The following PIK3R6 variants were observed in gnomAD, a reference collection of about 807,000 sequenced individuals.
PIK3R6 encodes phosphoinositide-3-kinase regulatory subunit 6, also known as phosphoinositide 3-kinase regulatory subunit 6.
Under a neutral mutation model 84.9 loss-of-function variants are expected in PIK3R6, and 91 were observed. The observed-to-expected ratio is 1.07, with a 90% CI of 0.90 to 1.28. The LOEUF (loss-of-function observed/expected upper bound fraction) is 1.28, where lower values mean the gene tolerates loss of function less well. Among genes scored for constraint, PIK3R6 ranks in the 50% most tolerant of loss-of-function variants. PIK3R6 has a pLI of 0.00. For missense variants in PIK3R6, 996 were observed against 985.1 expected, an observed-to-expected ratio of 1.01 and a Z score of -0.15; for synonymous variants, 416 against 411.4, an observed-to-expected ratio of 1.01 and a Z score of -0.13.
intron 2 of PIK3R6, among the ~76,000 whole-genome samples, chr17:8,847,041 G>A (rs951714111): frequency 1.3e-5 from 2 of 152,120 alleles, no homozygotes; most frequent in African/African-American, 4.8e-5. Flanking sequence ...CTGACATTTG[G>A]GGCCATTTGC....
rs199969342 is a variant in PIK3R6, at chr17:8,827,763, GGAGAGAGAGAGAGAGAGAGAGA to G, written c.1392+327_1392+348del. 6.8e-3 allele frequency among the ~76,000 whole-genome samples: 236 copies of G among 34,838 alleles called. 2 individuals carry two copies. Among genetic ancestry groups the G allele is most frequent in the Non-Finnish European group, 0.012 (205 of 17,192 alleles). The allele number at this position is 34,838 out of a possible 152,430, so 22.9% of individuals were successfully genotyped here. ...AAGGGGAGAGAGAGAGAGAGAGAGA[GGAGAGAGAGAGAGAGAGAGAGA>G]GAGAGAGAGAGAGAGAGAGAGAGAG... On this transcript the variant is annotated intron_variant, in intron 12 of 19. Coordinates refer to ENST00000619866, the MANE Select transcript of PIK3R6 (RefSeq NM_001010855.4).
intron 1 of PIK3R6, among the ~76,000 whole-genome samples, chr17:8,855,577 C>T (rs755008339): frequency 5.9e-5 from 9 of 152,098 alleles, no homozygotes; most frequent in East Asian, 5.8e-4. Flanking sequence ...GGAGAGCACA[C>T]GGAGGAACTG....
rs1389166767 is a variant in PIK3R6 at position 8,803,210 on chromosome 17, T to C, written c.*63A>G. 6.3e-7 allele frequency: 1 copy of C among 1,595,404 alleles called. No homozygotes were observed. The highest frequency in any genetic ancestry group is 2.2e-5 in the East Asian group (1 of 44,606). ...AGCCGGGCCTTGCTCTGGCTGTTGG[T>C]GTGAGTGTTTGGAGTTGGTGGGGTA... On this transcript the variant is annotated 3_prime_UTR_variant, in exon 20 of 20. Transcript: ENST00000619866. This position sits in a 1 kb window ranked among gnomAD's most constrained non-coding sequence, Gnocchi z 5.0.
intron 1 of PIK3R6, among the ~76,000 whole-genome samples, chr17:8,852,917 A>G (rs1018747141): frequency 2.0e-5 from 3 of 152,160 alleles, no homozygotes; most frequent in African/African-American, 7.2e-5. Context: ...AAATATTCAT[A>G]CTTTTTTGTC....
At chr17:8,858,873 G>A (rs1597443160) in intron 1 of PIK3R6, among the ~76,000 whole-genome samples, 1 of 152,292 alleles carries the variant, frequency 6.6e-6, no homozygotes, top group East Asian at 1.9e-4. Flanking sequence ...GTGAGGTTTT[G>A]CAATTCATCC....
chr17:8,824,678 C>A (rs1313287093), intron 13 of PIK3R6, among the ~76,000 whole-genome samples: 2 of 152,114 alleles, frequency 1.3e-5, no homozygotes, highest in South Asian at 2.1e-4. Flanking sequence ...AGTGTCCCAG[C>A]GGAGAAAAAT....
chr17:8,864,529 CTTTTTTTTTTTTT>C (rs35714531), intron 1 of PIK3R6, among the ~76,000 whole-genome samples: 14 of 65,542 alleles, frequency 2.1e-4, no homozygotes, highest in Admixed American at 1.5e-3. Context: ...CTTCACAGCT[CTTTTTTTTTTTTT>C]TTTTTTTTTT....
At chr17:8,815,964 C>T (rs1328511332) in intron 18 of PIK3R6, among the ~76,000 whole-genome samples, 2 of 152,160 alleles carry the variant, frequency 1.3e-5, no homozygotes, top group Non-Finnish European at 2.9e-5. Flanking sequence ...AAAATATGGT[C>T]CTGAGTTGAT....
Position 8,829,585 on chromosome 17 carries a change from GAC to G in PIK3R6, c.889+119_889+120del, listed in dbSNP as rs547199491. On this transcript the variant is annotated intron_variant, in intron 10 of 19. Transcript: ENST00000619866. ...GCACACATACACACACAGACACACTGACACACACTCATGCATACACACACTGA... is the reference window on the plus strand; with the variant it reads ...GCACACATACACACACAGACACACTGACACACTCATGCATACACACACTGA... 7.7e-3 allele frequency: 7,371 copies of G among 953,978 alleles called. 63 individuals are homozygous for G. Among genetic ancestry groups the G allele is most frequent in the African/African-American group, 0.038 (1,640 of 43,492 alleles). 59.1% of individuals were successfully genotyped at this position (953,978 alleles called of 1,614,324 possible). A position where few individuals can be genotyped will look rare whatever the true frequency, so the allele number is the denominator to read the frequency against.
chr17:8,810,880 G>A (rs1475269022), intron 18 of PIK3R6, among the ~76,000 whole-genome samples: 1 of 148,582 alleles, frequency 6.7e-6, no homozygotes, highest in Non-Finnish European at 1.5e-5. Flanking sequence ...CTAGGCACAC[G>A]TGCAAGCTGT....
intron 2 of PIK3R6, among the ~76,000 whole-genome samples, 196 bp downstream of exon 2, chr17:8,849,586 T>C (rs990729959): frequency 3.3e-5 from 5 of 152,252 alleles, no homozygotes; most frequent in South Asian, 2.1e-4. Flanking sequence ...CAGCGAGCAG[T>C]TGGAGCCTTG....
chr17:8,806,731 C>A (rs1425976986), intron 18 of PIK3R6, among the ~76,000 whole-genome samples: 1 of 152,198 alleles, frequency 6.6e-6, no homozygotes, highest in South Asian at 2.1e-4. Flanking sequence ...TTATTTCCCA[C>A]TTCTGTTCTA....
At position 8,803,944 on chromosome 17, in the gene PIK3R6, G is replaced by T. The variant is rs191683096; in HGVS notation, c.2108+97C>A. 3,182 of 1,059,430 alleles carry T rather than the reference G, an allele frequency of 3.0e-3. 16 individuals are homozygous for T. The highest frequency in any genetic ancestry group is 4.7e-3 in the Middle Eastern group (21 of 4,436). The allele number at this position is 1,059,430 out of a possible 1,614,324, so 65.6% of individuals were successfully genotyped here. A position where few individuals can be genotyped will look rare whatever the true frequency, so the allele number is the denominator to read the frequency against. ...GGCCACAGGATCTACCTCCGATGAGGTGCCTTGAGCTAGAGGCAGGAGATG... is the reference window on the plus strand; with the variant it reads ...GGCCACAGGATCTACCTCCGATGAGTTGCCTTGAGCTAGAGGCAGGAGATG... On this transcript the variant is annotated intron_variant, in intron 19 of 19. Coordinates refer to ENST00000619866, the MANE Select transcript of PIK3R6 (RefSeq NM_001010855.4). The surrounding 1 kb of genome is among the most constrained non-coding windows in gnomAD (Gnocchi z 5.0).
At chr17:8,837,770 C>T (rs371373983) in intron 5 of PIK3R6, 33 bp downstream of exon 5, 37 of 1,581,304 alleles carry the variant, frequency 2.3e-5, no homozygotes, top group Non-Finnish European at 3.0e-5. Context: ...ATGCAGGTCA[C>T]CACTACCACC....
At position 8,844,597 on chromosome 17, in the gene PIK3R6, TTATTAA is replaced by T. The variant is rs2088772031; in HGVS notation, c.14-4906_14-4901del. 6.6e-6 allele frequency among the ~76,000 whole-genome samples: 1 copy of T among 152,036 alleles called. No homozygotes were observed. Among genetic ancestry groups the T allele is most frequent in the Admixed American group, 6.6e-5 (1 of 15,256 alleles). On this transcript the variant is annotated intron_variant, in intron 2 of 19. Transcript: ENST00000619866. The surrounding 1 kb of genome is among the most constrained non-coding windows in gnomAD (Gnocchi z 4.5). ...TATTACTAATTAGGTATTAATATTA[TTATTAA>T]TATTAAACTTTTTTTATTTAAAATT... is the stretch of plus-strand genomic sequence containing the variant.
At position 8,803,315 on chromosome 17, in the gene PIK3R6, G is replaced by A. The variant is rs1453134990; in HGVS notation, c.2223C>T (p.Pro741=). 2 of 1,613,032 alleles carry A rather than the reference G, an allele frequency of 1.2e-6. No homozygotes were observed. Residue 741 remains proline, a synonymous_variant, in exon 20 of 20, where the codon CCC becomes CCT. Coordinates refer to ENST00000619866, the MANE Select transcript of PIK3R6 (RefSeq NM_001010855.4). The surrounding 1 kb of genome is among the most constrained non-coding windows in gnomAD (Gnocchi z 5.0). Reference sequence around the variant, plus strand: ...AGAATGTGTTGATGGGCATCAGAAGGGGCTTGGGCTTGGCTTTGATTGCTT... The same window carrying A: ...AGAATGTGTTGATGGGCATCAGAAGAGGCTTGGGCTTGGCTTTGATTGCTT... The part of the protein sequence containing the change: ...EVEAIKAKPK[P]LLMPINTFSG...
chr17:8,818,848 G>A (rs1043438769), intron 18 of PIK3R6, among the ~76,000 whole-genome samples: 1 of 152,178 alleles, frequency 6.6e-6, no homozygotes, highest in African/African-American at 2.4e-5. Flanking sequence ...GTCAGCAGAT[G>A]GAGGGCAGGG....
At chr17:8,845,428 T>A (rs1026332361) in intron 2 of PIK3R6, among the ~76,000 whole-genome samples, 10 of 152,234 alleles carry the variant, frequency 6.6e-5, no homozygotes, top group Non-Finnish European at 1.3e-4. Flanking sequence ...AGAGCATTTT[T>A]CCATATTTGT....
chr17:8,838,076 TG>T (rs147023096), intron 4 of PIK3R6, among the ~76,000 whole-genome samples: 1 of 151,510 alleles, frequency 6.6e-6, no homozygotes, highest in Non-Finnish European at 1.5e-5. Flanking sequence ...TGTGGGAGCG[TG>T]GGGGGGCCTC....
Sources: gnomAD v4.1 joint callset for allele counts (sites outside exome capture counted in the v4.1 genomes callset) on GRCh38, gnomAD v4.1.1 for gene constraint, Gnocchi (gnomAD v3.1) non-coding constraint, MANE v1.5 for transcripts, NCBI Gene and HGNC (gene_info 2026-07-23, HGNC 2026-07-21) for gene names.